Variants in EVL observed in about 807,000 individuals in gnomAD.
EVL encodes the protein ena/VASP-like protein.
A neutral mutation model predicts 59.6 loss-of-function variants in EVL; 21 were observed. The observed-to-expected ratio is 0.35, with a 90% CI of 0.25 to 0.51. EVL has a LOEUF of 0.51. Among genes scored for constraint, EVL ranks in the 20% least tolerant of loss-of-function variants. The probability of loss-of-function intolerance (pLI) is 0.97; values close to 1 mark genes in which losing one functional copy is unlikely to be tolerated. For missense variants in EVL, 462 were observed against 546.6 expected (o/e 0.85, Z 1.54); for synonymous variants, 198 against 203.5 (o/e 0.97, Z 0.23).
Position 100,135,906 on chromosome 14 carries a change from A to G in EVL, c.902A>G (p.Glu301Gly), listed in dbSNP as rs544657690. The change falls in exon 9 of 14, where the codon GAA (glutamate) becomes GGA (glycine). Residue 301 changes from glutamate (E) to glycine (G), a missense_variant and splice_region_variant. Glu to Gly is a moderately conservative substitution (Grantham distance 98). Coordinates refer to ENST00000392920, the MANE Select transcript of EVL (RefSeq NM_016337.3). Reference protein sequence around the residue: ...AEKKEDESQMEDPSTSPSPGT... With the variant: ...AEKKEDESQMGDPSTSPSPGT... ...AGACTCCCTTCTTCTCCATTTTAGG[A>G]AGATCCTAGTACCTCCCCCTCTCCG... 6.2e-7 allele frequency: 1 copy of G among 1,614,008 alleles called. No homozygotes were observed. The highest frequency in any genetic ancestry group is 2.2e-5 in the East Asian group (1 of 44,876).
Position 100,045,065 on chromosome 14 carries a change from G to T in EVL, c.6-39622G>T, listed in dbSNP as rs150685624. 3.3e-3 allele frequency among the ~76,000 whole-genome samples: 509 copies of T among 152,308 alleles called. 6 individuals carry two copies. Among genetic ancestry groups the T allele is most frequent in the African/African-American group, 0.012 (491 of 41,558 alleles). On this transcript the variant is annotated intron_variant, in intron 1 of 13. Transcript: ENST00000402714. Reference sequence around the variant, plus strand: ...TGTGTTGTTGAACGCTGCCAGAGGGGTTGGTAAGCCTGATGATGTAGTTAA... The same window carrying T: ...TGTGTTGTTGAACGCTGCCAGAGGGTTTGGTAAGCCTGATGATGTAGTTAA...
At chr14:100,124,774 A>G (rs2140370243) in intron 4 of EVL, among the ~76,000 whole-genome samples, 1 of 152,276 alleles carries the variant, frequency 6.6e-6, no homozygotes, top group South Asian at 2.1e-4. Flanking sequence ...AAACTGCTTC[A>G]TCACCCGCAG....
chr14:100,137,385 G>T lies in EVL; in HGVS notation c.965-193G>T, dbSNP rs1888865637. 3 of 613,068 alleles carry T rather than the reference G, an allele frequency of 4.9e-6. No homozygotes were observed. The Admixed American group carries it at 8.2e-5, about 17-fold the overall frequency. The allele number at this position is 613,068 out of a possible 1,614,324, so 38.0% of individuals were successfully genotyped here. A position where few individuals can be genotyped will look rare whatever the true frequency, so the allele number is the denominator to read the frequency against. ...GCTCAGAACCAGATCACAGGTCAGG[G>T]TCAACCTGACCTAGGCCATGGGGGA... On this transcript the variant is annotated intron_variant, in intron 9 of 13. Transcript: ENST00000392920.
At chr14:100,088,123 G>A (rs1248995279) in intron 2 of EVL, among the ~76,000 whole-genome samples, 1 of 152,178 alleles carries the variant, frequency 6.6e-6, no homozygotes, top group Non-Finnish European at 1.5e-5. Context: ...CAAGCATACT[G>A]TTGAAAGATG....
chr14:100,095,092 TAAATC>T lies in EVL; in HGVS notation c.181-2386_181-2382del, dbSNP rs552732615. Reference sequence around the variant, plus strand: ...ACGGTACTAAAAATTTTTTTTGTTTTAAATCAAGTCAAATCATAGGGTTCTAAATT... The same window carrying T: ...ACGGTACTAAAAATTTTTTTTGTTTTAAGTCAAATCATAGGGTTCTAAATT... On this transcript the variant is annotated intron_variant, in intron 2 of 13. Transcript: ENST00000392920. 3.4e-3 allele frequency among the ~76,000 whole-genome samples: 519 copies of T among 152,260 alleles called. 2 individuals are homozygous for T. Among genetic ancestry groups the T allele is most frequent in the African/African-American group, 0.012 (506 of 41,544 alleles).
intron 1 of EVL, among the ~76,000 whole-genome samples, chr14:100,026,850 C>G (rs1408557554): frequency 6.6e-6 from 1 of 152,174 alleles, no homozygotes; most frequent in Non-Finnish European, 1.5e-5. Context: ...CAGTCCCTAA[C>G]TGTGGGAGCT....
chr14:100,073,616 G>A (rs979144843), intron 1 of EVL, among the ~76,000 whole-genome samples: 1 of 152,014 alleles, frequency 6.6e-6, no homozygotes, highest in African/African-American at 2.4e-5. Context: ...CACTGTGCCC[G>A]GCCCTTGTTT....
At chr14:100,047,604 A>G (rs1265617707) in intron 1 of EVL, among the ~76,000 whole-genome samples, 1 of 152,186 alleles carries the variant, frequency 6.6e-6, no homozygotes, top group Admixed American at 6.5e-5. Flanking sequence ...GAATGCTTCC[A>G]GGTTGGCAGT....
At chr14:100,077,341 C>A (rs2062184780) in intron 1 of EVL, among the ~76,000 whole-genome samples, 1 of 152,218 alleles carries the variant, frequency 6.6e-6, no homozygotes, top group East Asian at 1.9e-4. Flanking sequence ...TCTGAAATGG[C>A]CTTCAGGTTT....
intron 1 of EVL, among the ~76,000 whole-genome samples, chr14:100,026,557 G>T (rs2061216902): frequency 6.6e-6 from 1 of 152,128 alleles, no homozygotes; most frequent in Non-Finnish European, 1.5e-5. Flanking sequence ...GGAAAAGTAG[G>T]GAACTTCTAG....
intron 2 of EVL, among the ~76,000 whole-genome samples, chr14:100,089,505 T>C (rs182129870): frequency 6.6e-6 from 1 of 152,290 alleles, no homozygotes; most frequent in Non-Finnish European, 1.5e-5. Context: ...GTTTGGAAAT[T>C]AAGTGGTCTA....
chr14:100,059,179 A>G (rs2061781304), intron 1 of EVL, among the ~76,000 whole-genome samples: 1 of 152,224 alleles, frequency 6.6e-6, no homozygotes, highest in Non-Finnish European at 1.5e-5. Context: ...TGAATATACA[A>G]AGGGTACTGA....
At chr14:99,985,865 G>A (rs1006981434) in intron 1 of EVL, among the ~76,000 whole-genome samples, 2 of 152,088 alleles carry the variant, frequency 1.3e-5, no homozygotes, top group Admixed American at 1.3e-4. Flanking sequence ...CTGGCCTGCT[G>A]AAGTCCTTTA....
Position 99,972,314 on chromosome 14 carries a change from G to T in EVL, c.5+257G>T, listed in dbSNP as rs1302074906. ...CAGTGTTCTGCAAGGGGCAGGCGGC[G>T]CTGGCTTTGGCTGCTTGTGGGGTCC... is the stretch of plus-strand genomic sequence containing the variant. On this transcript the variant is annotated intron_variant, in intron 1 of 13. Transcript: ENST00000402714. The surrounding 1 kb of genome is among the most constrained non-coding windows in gnomAD (Gnocchi z 4.4). Among the ~76,000 whole-genome samples, 1 of 152,112 alleles carries T rather than the reference G, an allele frequency of 6.6e-6. No individual in the cohort carries two copies. The highest frequency in any genetic ancestry group is 1.5e-5 in the Non-Finnish European group (1 of 67,994).
Position 100,130,967 on chromosome 14 carries a change from A to G in EVL, c.839+1283A>G, listed in dbSNP as rs556480980. Among the ~76,000 whole-genome samples the G allele has an allele frequency of 6.6e-6, 1 of 152,326 alleles. No homozygotes were observed. Among genetic ancestry groups the G allele is most frequent in the East Asian group, 1.9e-4 (1 of 5,166 alleles). On this transcript the variant is annotated intron_variant, in intron 7 of 13. Transcript: ENST00000392920. The surrounding 1 kb of genome is among the most constrained non-coding windows in gnomAD (Gnocchi z 4.8). The stretch of plus-strand genomic sequence containing the variant: ...AAAGGCGAATGGCTCCGTGGGTGAG[A>G]GAGCCGGGAGGGCTCGCAGAACGAT...
intron 2 of EVL, among the ~76,000 whole-genome samples, chr14:100,090,162 G>T (rs1163334639): frequency 1.3e-5 from 2 of 152,004 alleles, no homozygotes; most frequent in South Asian, 2.1e-4. Context: ...CGGTTTTTTT[G>T]AATGAGAAAG....
intron 1 of EVL, among the ~76,000 whole-genome samples, chr14:100,044,197 G>A (rs1435446130): frequency 6.6e-6 from 1 of 152,172 alleles, no homozygotes; most frequent in Non-Finnish European, 1.5e-5. Context: ...TGCACCCATT[G>A]TGAAGCAAAA....
chr14:100,117,371 G>C (rs1373524975), intron 3 of EVL, among the ~76,000 whole-genome samples: 1 of 152,190 alleles, frequency 6.6e-6, no homozygotes, highest in South Asian at 2.1e-4. Context: ...CCGCCAGGGG[G>C]CTCCGAGCCG....
chr14:100,010,428 A>G (rs1402233199), intron 1 of EVL, among the ~76,000 whole-genome samples: 1 of 152,150 alleles, frequency 6.6e-6, no homozygotes, highest in African/African-American at 2.4e-5. Context: ...TTTTTGAGAC[A>G]GAGTTTTGCT....
Sources: gnomAD v4.1 joint callset for allele counts (sites outside exome capture counted in the v4.1 genomes callset) on GRCh38, gnomAD v4.1.1 for gene constraint, Gnocchi (gnomAD v3.1) non-coding constraint, MANE v1.5 for transcripts, NCBI Gene and HGNC (gene_info 2026-07-23, HGNC 2026-07-21) for gene names.